The following TRIM44 variants were observed in gnomAD, a reference collection of about 807,000 sequenced individuals.
TRIM44 encodes the protein tripartite motif-containing protein 44.
TRIM44 carries 13 observed loss-of-function variants against 37.4 expected under a neutral mutation model. The observed-to-expected ratio is 0.35, with a 90% CI of 0.23 to 0.55. The LOEUF (loss-of-function observed/expected upper bound fraction) is 0.55, where lower values mean the gene tolerates loss of function less well. Ranked by LOEUF, TRIM44 falls within the 20% of genes least tolerant of loss-of-function variation. The pLI is 0.89. For missense variants in TRIM44, 426 were observed against 437.2 expected (o/e 0.97, Z 0.23); for synonymous variants, 175 against 157.2 (o/e 1.11, Z -0.85).
intron 2 of TRIM44, among the ~76,000 whole-genome samples, chr11:35,699,255 C>A (rs1442402390): frequency 1.3e-5 from 2 of 152,070 alleles, no homozygotes; most frequent in Non-Finnish European, 2.9e-5. Context: ...TTAGGATTGA[C>A]TTGGCAATGG....
chr11:35,700,283 T>C (rs562957392), intron 2 of TRIM44, among the ~76,000 whole-genome samples: 1 of 152,346 alleles, frequency 6.6e-6, no homozygotes, highest in African/African-American at 2.4e-5. Flanking sequence ...TTAAATTTAG[T>C]CAAGGTGTTC....
chr11:35,705,569 A>T (rs1214961068), intron 2 of TRIM44, among the ~76,000 whole-genome samples: 1 of 152,070 alleles, frequency 6.6e-6, no homozygotes, highest in Non-Finnish European at 1.5e-5. Flanking sequence ...TGTCTCTCAG[A>T]CCACAGTGCA....
chr11:35,730,247 C>T (rs1055689508), intron 3 of TRIM44, among the ~76,000 whole-genome samples: 3 of 151,668 alleles, frequency 2.0e-5, no homozygotes, highest in Non-Finnish European at 2.9e-5. Flanking sequence ...AATGGCAAAC[C>T]GAAAGAAAGA....
chr11:35,709,209 A>T (rs930859725), intron 2 of TRIM44, among the ~76,000 whole-genome samples: 4 of 152,172 alleles, frequency 2.6e-5, no homozygotes, highest in African/African-American at 9.7e-5. Context: ...TATTCAGAAC[A>T]TTCTACTGTA....
At chr11:35,706,893 G>T (rs1053374801) in intron 2 of TRIM44, among the ~76,000 whole-genome samples, 2 of 150,096 alleles carry the variant, frequency 1.3e-5, no homozygotes, top group Non-Finnish European at 3.0e-5. Context: ...ATTCAACATA[G>T]TGTTGGAAGT....
At chr11:35,765,653 T>G (rs947639051) in intron 4 of TRIM44, among the ~76,000 whole-genome samples, 1 of 152,220 alleles carries the variant, frequency 6.6e-6, no homozygotes. Context: ...GCATTTATCC[T>G]TCTGGTTCTA....
chr11:35,735,541 A>G, intron 4 of TRIM44, 96 bp downstream of exon 4: 2 of 1,202,302 alleles, frequency 1.7e-6, no homozygotes, highest in Non-Finnish European at 2.5e-6. Flanking sequence ...GCCAAGGAAC[A>G]GCACAGAAAA....
At chr11:35,782,731 G>A (rs1040721588) in intron 4 of TRIM44, among the ~76,000 whole-genome samples, 20 of 152,130 alleles carry the variant, frequency 1.3e-4, no homozygotes, top group African/African-American at 4.8e-4. Context: ...ATCCTTCTGT[G>A]TCATATGCTC....
At chr11:35,700,023 C>T (rs1387499472) in intron 2 of TRIM44, among the ~76,000 whole-genome samples, 2 of 152,102 alleles carry the variant, frequency 1.3e-5, no homozygotes, top group East Asian at 3.9e-4. Flanking sequence ...GGCCATACTG[C>T]CCAAGGTAAT....
rs923746068 is a variant in TRIM44, at chr11:35,816,350, A to C, written c.*9965A>C. ...TCCCAACTCAGCTCCAAAACCACAC[A>C]CAATGTCTAACTTCAAAAAGAGTAT... On this transcript the variant is annotated 3_prime_UTR_variant, in exon 5 of 5. Transcript: ENST00000299413. The C allele has an allele frequency of 7.2e-5, 11 of 152,230 alleles. No individual in the cohort carries two copies. The highest frequency in any genetic ancestry group is 1.6e-4 in the Non-Finnish European group (11 of 68,046). The allele number at this position is 152,230 out of a possible 1,614,324, so 9.4% of individuals were successfully genotyped here. A position where few individuals can be genotyped will look rare whatever the true frequency, so the allele number is the denominator to read the frequency against.
chr11:35,683,941 T>C (rs1851546943), intron 1 of TRIM44, among the ~76,000 whole-genome samples: 1 of 152,152 alleles, frequency 6.6e-6, no homozygotes. Context: ...ACTTCCTTTT[T>C]TATTTACCAT....
At chr11:35,796,603 C>G (rs1332201705) in intron 4 of TRIM44, among the ~76,000 whole-genome samples, 1 of 152,114 alleles carries the variant, frequency 6.6e-6, no homozygotes, top group East Asian at 1.9e-4. Context: ...TAACTCTCCA[C>G]CCCCTGAAAT....
In TRIM44 at chr11:35,701,884, G is replaced by C. The variant is rs189227066; in HGVS notation, c.747+16548G>C. 2.0e-3 allele frequency among the ~76,000 whole-genome samples: 306 copies of C among 152,312 alleles called. 1 individual carries two copies. Among genetic ancestry groups the C allele is most frequent in the African/African-American group, 7.1e-3 (295 of 41,562 alleles). Reference sequence around the variant, plus strand: ...AGAGAGGCCAGAGTCTGACTGGTAAGTAGTTCTTACCATTTTGCTGGCAGG... The same window carrying C: ...AGAGAGGCCAGAGTCTGACTGGTAACTAGTTCTTACCATTTTGCTGGCAGG... On this transcript the variant is annotated intron_variant, in intron 2 of 4. Coordinates refer to ENST00000299413, the MANE Select transcript of TRIM44 (RefSeq NM_017583.6).
intron 2 of TRIM44, among the ~76,000 whole-genome samples, chr11:35,713,964 G>C (rs1044764517): frequency 1.3e-5 from 2 of 152,186 alleles, no homozygotes; most frequent in African/African-American, 4.8e-5. Flanking sequence ...GATCAAATCA[G>C]AAAAGGCAGC....
intron 2 of TRIM44, among the ~76,000 whole-genome samples, chr11:35,708,752 G>C: frequency 6.6e-6 from 1 of 151,922 alleles, no homozygotes; most frequent in Non-Finnish European, 1.5e-5. Flanking sequence ...CACACTCTGG[G>C]GACTGTTGTG....
At chr11:35,796,796 A>C (rs1435080522) in intron 4 of TRIM44, among the ~76,000 whole-genome samples, 16 of 152,236 alleles carry the variant, frequency 1.1e-4, no homozygotes. Flanking sequence ...GAAGTTCAAC[A>C]GGAAACTGAG....
chr11:35,792,719 A>G (rs1436260842), intron 4 of TRIM44, among the ~76,000 whole-genome samples: 1 of 152,184 alleles, frequency 6.6e-6, no homozygotes, highest in African/African-American at 2.4e-5. Flanking sequence ...GCAGCCTCCA[A>G]AGAGCTCAAG....
intron 4 of TRIM44, among the ~76,000 whole-genome samples, chr11:35,803,102 A>C (rs1225972832): frequency 6.6e-6 from 1 of 152,154 alleles, no homozygotes; most frequent in Non-Finnish European, 1.5e-5. Flanking sequence ...GAGGAAACTG[A>C]GATTCAGAGA....
intron 2 of TRIM44, among the ~76,000 whole-genome samples, chr11:35,725,346 T>A (rs752084100): frequency 5.3e-5 from 8 of 152,160 alleles, no homozygotes; most frequent in Non-Finnish European, 7.3e-5. Context: ...TTTTTTGTTT[T>A]GTTTTGAGAT....
Sources: allele counts gnomAD v4.1 joint callset (sites outside exome capture counted in the v4.1 genomes callset), GRCh38; gene constraint gnomAD v4.1.1; transcripts MANE v1.5; gene names NCBI Gene and HGNC (gene_info 2026-07-23, HGNC 2026-07-21).